NWD1: variants seen among roughly 807,000 people sequenced by gnomAD.
NWD1 encodes the protein NACHT domain- and WD repeat-containing protein 1.
A neutral mutation model predicts 135.1 loss-of-function variants in NWD1; 129 were observed. The ratio of observed to expected loss-of-function variants is 0.96; its 90% CI spans 0.83 to 1.11. NWD1 has a LOEUF of 1.11. NWD1 is among the 50% of genes least tolerant of loss of function. NWD1 has a pLI of 0.00. For missense variants in NWD1, 1,740 were observed against 1,851.3 expected (o/e 0.94, Z 1.10); for synonymous variants, 773 against 786.0 (o/e 0.98, Z 0.28).
At chr19:16,746,119 C>G (rs1968303060) in intron 5 of NWD1, among the ~76,000 whole-genome samples, 1 of 151,578 alleles carries the variant, frequency 6.6e-6, no homozygotes, top group Non-Finnish European at 1.5e-5. Context: ...CTTTGGGAGT[C>G]TGAGGTGGGT....
At chr19:16,803,073 A>G (rs991113334) in intron 17 of NWD1, among the ~76,000 whole-genome samples, 1 of 152,178 alleles carries the variant, frequency 6.6e-6, no homozygotes, top group African/African-American at 2.4e-5. Flanking sequence ...ATGAGGAGCA[A>G]AGTCACGTCT....
At chr19:16,725,457 G>A (rs912384371) in intron 2 of NWD1, among the ~76,000 whole-genome samples, 1 of 152,018 alleles carries the variant, frequency 6.6e-6, no homozygotes, top group Admixed American at 6.6e-5. Flanking sequence ...CAGCCTGGGT[G>A]GCAGAGCAAG....
At chr19:16,771,831 C>CTTTTTT (rs529711853) in intron 10 of NWD1, among the ~76,000 whole-genome samples, 2 of 133,436 alleles carry the variant, frequency 1.5e-5, no homozygotes, top group Middle Eastern at 7.8e-3. Flanking sequence ...ATCACGAGTC[C>CTTTTTT]TTTTTTTTTT....
chr19:16,758,876 C>T (rs1465350191), intron 6 of NWD1, among the ~76,000 whole-genome samples: 25 of 151,704 alleles, frequency 1.6e-4, no homozygotes, highest in Admixed American at 1.4e-3. Context: ...GGCGTGGTGG[C>T]GCCTGTAGTC....
At chr19:16,728,924 A>G (rs1967440977) in intron 2 of NWD1, among the ~76,000 whole-genome samples, 1 of 142,606 alleles carries the variant, frequency 7.0e-6, no homozygotes, top group Non-Finnish European at 1.5e-5. Flanking sequence ...AGCCTGGGCA[A>G]CAGAGCATGA....
intron 8 of NWD1, among the ~76,000 whole-genome samples, chr19:16,763,367 G>A (rs1475187373): frequency 6.6e-6 from 1 of 152,092 alleles, no homozygotes; most frequent in East Asian, 1.9e-4. Flanking sequence ...GATATTCAGT[G>A]CCTTCGTGAT....
chr19:16,742,733 C>T (rs917390375), intron 4 of NWD1, among the ~76,000 whole-genome samples: 21 of 151,858 alleles, frequency 1.4e-4, no homozygotes, highest in Non-Finnish European at 2.9e-4. Context: ...TGCAATGGCG[C>T]AATCTCGGCT....
intron 14 of NWD1, among the ~76,000 whole-genome samples, chr19:16,791,901 AC>A (rs776396869): frequency 6.6e-6 from 1 of 151,964 alleles, no homozygotes; most frequent in Non-Finnish European, 1.5e-5. Context: ...TTTAGTAGAG[AC>A]AGGGTTTCTC....
intron 11 of NWD1, 76 bp from the exon 12 acceptor site, chr19:16,779,267 C>T: frequency 6.5e-7 from 1 of 1,529,508 alleles, no homozygotes. Context: ...AAGTGGGGGG[C>T]TCATTAGAGG....
chr19:16,802,748 C>G (rs1210687951), intron 17 of NWD1, among the ~76,000 whole-genome samples: 3 of 152,044 alleles, frequency 2.0e-5, no homozygotes, highest in Non-Finnish European at 4.4e-5. Context: ...CACCTGTAAT[C>G]CCAGCACTTT....
rs1968480510 is a variant in NWD1 at position 16,749,678 on chromosome 19, G to A, written c.1036G>A (p.Gly346Arg). Residue 346 changes from glycine (G) to arginine (R), a missense_variant, in exon 6 of 19, where the codon GGA becomes AGA. Coordinates refer to ENST00000524140, the MANE Select transcript of NWD1 (RefSeq NM_001007525.5). The stretch of plus-strand genomic sequence containing the variant: ...GGTACTCTTTGGGCCCCCAGGCATT[G>A]GAAAGACAGCCCTGATGTGCAAGCT... ...PLVLFGPPGI[G>R]KTALMCKLAE... 6 of 1,599,472 alleles carry A rather than the reference G, an allele frequency of 3.8e-6. No homozygotes were observed. Among genetic ancestry groups the A allele is most frequent in the African/African-American group, 1.3e-5 (1 of 74,666 alleles).
Position 16,800,045 on chromosome 19 carries a change from G to T in NWD1, c.3619G>T (p.Val1207Leu), listed in dbSNP as rs141442968. The T allele has an allele frequency of 3.7e-6, 6 of 1,614,088 alleles. No homozygotes were observed. Among genetic ancestry groups the T allele is most frequent in the Non-Finnish European group, 5.1e-6 (6 of 1,180,034 alleles). ...WDLSDAHRSR[V>L]PAPFLDRTGL... ...TCTCAGCGATGCTCATAGGTCCCGG[G>T]TGCCTGCACCATTTCTGGACCGCAC... The change falls in exon 17 of 19, where the codon GTG becomes TTG. Residue 1207 changes from valine to leucine, a missense_variant. Val to Leu is a conservative substitution (Grantham distance 32). Transcript: ENST00000524140.
intron 10 of NWD1, among the ~76,000 whole-genome samples, chr19:16,768,840 T>C (rs1269764884): frequency 6.6e-6 from 1 of 152,188 alleles, no homozygotes; most frequent in African/African-American, 2.4e-5. Flanking sequence ...GGATGACCAG[T>C]GGCCTGTGAT....
At chr19:16,726,921 G>A (rs964553487) in intron 2 of NWD1, among the ~76,000 whole-genome samples, 7 of 152,168 alleles carry the variant, frequency 4.6e-5, no homozygotes, top group African/African-American at 1.7e-4. Flanking sequence ...GTCCCCTGGG[G>A]GCTGAATGGT....
At chr19:16,761,195 T>C (rs747274562) in intron 7 of NWD1, among the ~76,000 whole-genome samples, 1 of 152,186 alleles carries the variant, frequency 6.6e-6, no homozygotes, top group South Asian at 2.1e-4. Context: ...GATCAGTGCT[T>C]CCTTCCTTTT....
At chr19:16,788,769 G>A (rs1970142614) in intron 12 of NWD1, among the ~76,000 whole-genome samples, 1 of 152,040 alleles carries the variant, frequency 6.6e-6, no homozygotes, top group Non-Finnish European at 1.5e-5. Flanking sequence ...ACAAGCGTGA[G>A]AACTCTTTCT....
At chr19:16,723,081 T>G (rs896083866) in intron 1 of NWD1, among the ~76,000 whole-genome samples, 1 of 151,890 alleles carries the variant, frequency 6.6e-6, no homozygotes, top group African/African-American at 2.4e-5. Context: ...TGAGGCAGAG[T>G]CTCTCTCTGT....
intron 14 of NWD1, among the ~76,000 whole-genome samples, chr19:16,793,680 G>A (rs747114733): frequency 1.4e-4 from 21 of 151,050 alleles, no homozygotes; most frequent in African/African-American, 4.4e-4. Context: ...AGCTTCAAGC[G>A]ATTCTCCTGC....
rs772857517 is a variant in NWD1, at chr19:16,750,214, G to C, written c.1572G>C (p.Trp524Cys). ...GCCCGGTGCACACAGATTTGCTCTG[G>C]GCCAGCCTCCCAGAGTGTGGGAACC... is the stretch of plus-strand genomic sequence containing the variant. ...TLSPVHTDLLWASLPECGNPG... is the reference protein window; with the variant it reads ...TLSPVHTDLLCASLPECGNPG... The change falls in exon 6 of 19, where the codon TGG (tryptophan) becomes TGC (cysteine). Residue 524 changes from tryptophan to cysteine, a missense_variant. Coordinates refer to ENST00000524140, the MANE Select transcript of NWD1 (RefSeq NM_001007525.5). 4.3e-6 allele frequency: 7 copies of C among 1,613,182 alleles called. No individual in the cohort carries two copies. Among genetic ancestry groups the C allele is most frequent in the Admixed American group, 1.7e-5 (1 of 59,930 alleles).
Sources: allele counts gnomAD v4.1 joint callset (sites outside exome capture counted in the v4.1 genomes callset), GRCh38; gene constraint gnomAD v4.1.1; transcripts MANE v1.5; gene names NCBI Gene and HGNC (gene_info 2026-07-23, HGNC 2026-07-21).